Variants in PHEX observed in about 807,000 individuals in gnomAD.
The protein encoded by PHEX is phosphate-regulating neutral endopeptidase PHEX.
PHEX carries 16 observed loss-of-function variants against 68.0 expected under a neutral mutation model. That is an observed-to-expected ratio of 0.24 (90% CI 0.16 to 0.36). PHEX has a LOEUF of 0.36. PHEX is among the 10% of genes least tolerant of loss of function. The probability of loss-of-function intolerance (pLI) is 1.00; values close to 1 mark genes in which losing one functional copy is unlikely to be tolerated. For missense variants in PHEX, 480 were observed against 575.5 expected (o/e 0.83, Z 1.70); for synonymous variants, 208 against 205.1 (o/e 1.01, Z -0.12).
intron 16 of PHEX, among the ~76,000 whole-genome samples, chrX:22,216,492 CTTATTTATTTAT>C (rs56899587): frequency 0.065 from 5,687 of 87,979 alleles, 170 homozygotes; most frequent in Middle Eastern, 0.097. Context: ...TTTTTTTATG[CTTATTTATTTAT>C]TTATTTATTT....
chrX:22,191,816 C>T (rs921272581), intron 15 of PHEX, among the ~76,000 whole-genome samples: 1 of 112,305 alleles, frequency 8.9e-6, no homozygotes, highest in African/African-American at 3.2e-5. Flanking sequence ...ACATATTCCT[C>T]TGCAGGAAGA....
chrX:22,048,530 A>C (rs750752332), intron 3 of PHEX, among the ~76,000 whole-genome samples: 2 of 111,894 alleles, frequency 1.8e-5, no homozygotes, highest in Non-Finnish European at 3.8e-5. Flanking sequence ...ACATTACTGA[A>C]AGATAAGAAA....
At chrX:22,100,032 T>A in intron 9 of PHEX, among the ~76,000 whole-genome samples, 1 of 112,665 alleles carries the variant, frequency 8.9e-6, no homozygotes, top group Admixed American at 9.4e-5. Context: ...ATAAAAGTAA[T>A]CTGTGTTCAC....
intron 12 of PHEX, among the ~76,000 whole-genome samples, chrX:22,146,820 AAAAT>A (rs1361287673): frequency 1.2e-4 from 12 of 102,029 alleles, no homozygotes; most frequent in Non-Finnish European, 2.4e-4. Context: ...CTGTCTCCAA[AAAAT>A]AAATAAATAA....
At chrX:22,039,108 A>G (rs1398856732) in intron 2 of PHEX, among the ~76,000 whole-genome samples, 1 of 111,888 alleles carries the variant, frequency 8.9e-6, no homozygotes, top group African/African-American at 3.3e-5. Flanking sequence ...AGCTGGGATT[A>G]CAAGTGCCCA....
intron 2 of PHEX, among the ~76,000 whole-genome samples, chrX:22,040,489 G>C (rs1463770448): frequency 1.8e-5 from 2 of 111,499 alleles, no homozygotes; most frequent in Non-Finnish European, 3.8e-5. Flanking sequence ...AGGAATATCA[G>C]TCAGTGGAAA....
chrX:22,190,614 A>G, intron 15 of PHEX, 112 bp downstream of exon 15: 1 of 587,167 alleles, frequency 1.7e-6, no homozygotes, highest in Non-Finnish European at 3.0e-6. Context: ...GTGGCAGGGT[A>G]TGCTGGTGAA....
chrX:22,086,091 A>C (rs1929616081), intron 5 of PHEX, among the ~76,000 whole-genome samples: 1 of 111,322 alleles, frequency 9.0e-6, no homozygotes, highest in Non-Finnish European at 1.9e-5. Flanking sequence ...GTTTGCTTTG[A>C]CTCTAGCCCA....
intron 12 of PHEX, among the ~76,000 whole-genome samples, chrX:22,141,508 C>CT (rs1331348758): frequency 9.1e-6 from 1 of 110,404 alleles, no homozygotes; most frequent in Non-Finnish European, 1.9e-5. Flanking sequence ...ATTTCTAGGT[C>CT]TTTTTTTCCC....
chrX:22,042,844 TAATG>T (rs1377629019), intron 2 of PHEX, among the ~76,000 whole-genome samples: 6 of 111,194 alleles, frequency 5.4e-5, no homozygotes, highest in Non-Finnish European at 1.1e-4. Context: ...AAGAAAATAA[TAATG>T]GTAGTAGCAG....
Position 22,190,471 on chromosome X carries a change from T to C in PHEX, c.1614T>C (p.Asn538=). 1 of 1,200,683 alleles carries C rather than the reference T, an allele frequency of 8.3e-7. No individual in the cohort carries two copies. Among genetic ancestry groups the C allele is most frequent in the Non-Finnish European group, 1.1e-6 (1 of 885,035 alleles). Residue 538 remains asparagine (N), a synonymous_variant, in exon 15 of 22, where the codon AAT becomes AAC. Coordinates refer to ENST00000379374, the MANE Select transcript of PHEX (RefSeq NM_000444.6). ...GGTTTACAAATCCGACGACTGTCAA[T>C]GCCTTCTACAGTGCATCCACCAACC... The part of the protein sequence containing the change: ...TEWFTNPTTV[N]AFYSASTNQI...
chrX:22,239,897 A>G (rs1178626216), intron 20 of PHEX, among the ~76,000 whole-genome samples: 1 of 111,416 alleles, frequency 9.0e-6, no homozygotes, highest in Non-Finnish European at 1.9e-5. Flanking sequence ...AGAACACCGC[A>G]AAAATATTCC....
chrX:22,053,773 T>C (rs955043193), intron 3 of PHEX, among the ~76,000 whole-genome samples: 2 of 111,950 alleles, frequency 1.8e-5, no homozygotes, highest in African/African-American at 6.5e-5. Context: ...TGTGAAGAAA[T>C]GCAATATATT....
At chrX:22,157,725 A>G (rs1432619782) in intron 12 of PHEX, among the ~76,000 whole-genome samples, 1 of 112,319 alleles carries the variant, frequency 8.9e-6, no homozygotes, top group Admixed American at 9.4e-5. Flanking sequence ...AATTTGGAAC[A>G]TGCCTTCCTA....
intron 12 of PHEX, among the ~76,000 whole-genome samples, chrX:22,136,934 C>T (rs1015160714): frequency 5.4e-5 from 6 of 111,854 alleles, no homozygotes; most frequent in African/African-American, 2.0e-4. Flanking sequence ...AATTTAGTAT[C>T]GTGAAATAAG....
At chrX:22,140,830 T>A (rs1452043276) in intron 12 of PHEX, among the ~76,000 whole-genome samples, 3 of 111,862 alleles carry the variant, frequency 2.7e-5, no homozygotes, top group Non-Finnish European at 5.6e-5. Context: ...CACATTAAAT[T>A]AACCAACATT....
intron 11 of PHEX, among the ~76,000 whole-genome samples, chrX:22,130,001 T>C (rs765359368): frequency 8.9e-6 from 1 of 111,844 alleles, no homozygotes; most frequent in Non-Finnish European, 1.9e-5. Flanking sequence ...TTCTCAGTCT[T>C]ATTGAATGAC....
At chrX:22,198,129 ATAT>A (rs933850020) in intron 15 of PHEX, among the ~76,000 whole-genome samples, 47 of 91,610 alleles carry the variant, frequency 5.1e-4, no homozygotes, top group Admixed American at 8.1e-4. Context: ...TACATATAAT[ATAT>A]TATATAATAT....
chrX:22,205,005 A>C (rs751084284), intron 15 of PHEX, among the ~76,000 whole-genome samples: 1 of 112,271 alleles, frequency 8.9e-6, no homozygotes, highest in Admixed American at 9.5e-5. Flanking sequence ...CCATTGTTTG[A>C]CAAAACTAAT....
Sources: allele counts gnomAD v4.1 joint callset (sites outside exome capture counted in the v4.1 genomes callset), GRCh38; gene constraint gnomAD v4.1.1; transcripts MANE v1.5; gene names NCBI Gene and HGNC (gene_info 2026-07-23, HGNC 2026-07-21).